Variants in KCNQ1 observed in about 807,000 individuals in gnomAD.
KCNQ1 encodes potassium voltage-gated channel subfamily Q member 1, also known as potassium voltage-gated channel subfamily KQT member 1.
In KCNQ1, 49 loss-of-function variants were observed where a neutral mutation model predicts 72.4. That is an observed-to-expected ratio of 0.68 (90% CI 0.54 to 0.86). The LOEUF is 0.86. KCNQ1 is among the 40% of genes least tolerant of loss of function. The pLI is 0.00. For synonymous variants in KCNQ1, 450 were observed against 412.6 expected, an observed-to-expected ratio of 1.09 and a Z score of -1.10; for missense variants, 790 against 945.1, an observed-to-expected ratio of 0.84 and a Z score of 2.15.
In KCNQ1 at chr11:2,516,940, C is replaced by T. The variant is rs1847297838; in HGVS notation, c.387-10988C>T. Among the ~76,000 whole-genome samples the T allele has an allele frequency of 6.6e-6, 1 of 152,152 alleles. No individual in the cohort carries two copies. Among genetic ancestry groups the T allele is most frequent in the South Asian group, 2.1e-4 (1 of 4,824 alleles). Reference sequence around the variant, plus strand: ...AAGCTTCCTGGCTGCCCGAGGGTCCCCCAGCACCTGTCCCTCTAGGGCCTC... The same window carrying T: ...AAGCTTCCTGGCTGCCCGAGGGTCCTCCAGCACCTGTCCCTCTAGGGCCTC... On this transcript the variant is annotated intron_variant, in intron 1 of 15. Coordinates refer to ENST00000155840, the MANE Select transcript of KCNQ1 (RefSeq NM_000218.3). This position sits in a 1 kb window ranked among gnomAD's most constrained non-coding sequence, Gnocchi z 7.0.
chr11:2,630,932 G>C (rs1168854797), intron 10 of KCNQ1: 1 of 398,350 alleles, frequency 2.5e-6, no homozygotes, highest in African/African-American at 2.1e-5. Flanking sequence ...GAAAGTTTTT[G>C]CTCAGAAATC....
intron 1 of KCNQ1, among the ~76,000 whole-genome samples, chr11:2,525,306 C>A (rs1167938103): frequency 6.6e-6 from 1 of 152,240 alleles, no homozygotes; most frequent in Admixed American, 6.5e-5. Context: ...GCTTGTGTCC[C>A]CGTGAGATCC....
At chr11:2,822,621 G>C (rs573659503) in intron 15 of KCNQ1, among the ~76,000 whole-genome samples, 24 of 152,226 alleles carry the variant, frequency 1.6e-4, no homozygotes, top group Non-Finnish European at 1.8e-4. Context: ...GGAGAGGTGG[G>C]ATAGTCATGG....
At chr11:2,521,040 A>C (rs377279603) in intron 1 of KCNQ1, among the ~76,000 whole-genome samples, 3 of 59,746 alleles carry the variant, frequency 5.0e-5, no homozygotes, top group Admixed American at 3.1e-4. Context: ...TGTTTGCTTT[A>C]AAAAAAGTTT....
At chr11:2,747,803 A>G (rs1846163609) in intron 11 of KCNQ1, among the ~76,000 whole-genome samples, 1 of 151,984 alleles carries the variant, frequency 6.6e-6, no homozygotes, top group African/African-American at 2.4e-5. Flanking sequence ...GATCAGAAGG[A>G]GGTGGTGGGA....
chr11:2,665,594 C>G (rs993409294), intron 11 of KCNQ1: 7 of 396,680 alleles, frequency 1.8e-5, no homozygotes, highest in South Asian at 2.6e-4. Context: ...GCTCAGTAAA[C>G]CCCCCAGGAC....
rs1463068468 is a variant in KCNQ1, at chr11:2,477,001, T to A, written c.386+31517T>A. 6.6e-6 allele frequency among the ~76,000 whole-genome samples: 1 copy of A among 152,254 alleles called. No homozygotes were observed. Among genetic ancestry groups the A allele is most frequent in the Non-Finnish European group, 1.5e-5 (1 of 68,046 alleles). ...ACTGCACCCAGCCCAGTTTTTAATG[T>A]GACAGTACTTTGTAAAATTGTACTC... On this transcript the variant is annotated intron_variant, in intron 1 of 15. Coordinates refer to ENST00000155840, the MANE Select transcript of KCNQ1 (RefSeq NM_000218.3). The surrounding 1 kb of genome is among the most constrained non-coding windows in gnomAD (Gnocchi z 5.0).
chr11:2,816,291 A>T lies in KCNQ1; in HGVS notation c.1795-31476A>T, dbSNP rs1356840724. ...AAGGGCAAGTTGGCCAAGACTAAAA[A>T]GTGGAGTCAAGCTCAGTGCTGGTGA... On this transcript the variant is annotated intron_variant, in intron 15 of 15. Transcript: ENST00000155840. This position sits in a 1 kb window ranked among gnomAD's most constrained non-coding sequence, Gnocchi z 6.8. Among the ~76,000 whole-genome samples the T allele has an allele frequency of 3.3e-5, 5 of 152,202 alleles. No homozygotes were observed. The highest frequency in any genetic ancestry group is 1.2e-4 in the African/African-American group (5 of 41,450).
chr11:2,803,966 A>G lies in KCNQ1; in HGVS notation c.1794+25929A>G, dbSNP rs543413868. 1.3e-4 allele frequency among the ~76,000 whole-genome samples: 19 copies of G among 151,914 alleles called. No individual in the cohort carries two copies. In the East Asian group the frequency reaches 2.3e-3, roughly 19 times the overall value. On this transcript the variant is annotated intron_variant, in intron 15 of 15. Coordinates refer to ENST00000155840, the MANE Select transcript of KCNQ1 (RefSeq NM_000218.3). This position sits in a 1 kb window ranked among gnomAD's most constrained non-coding sequence, Gnocchi z 6.4. The stretch of plus-strand genomic sequence containing the variant: ...CGGCTCACACAGAGCCTTGGCCAGC[A>G]TGTGGCCGCAGCCCCAACTGCAGCG...
intron 1 of KCNQ1, among the ~76,000 whole-genome samples, chr11:2,453,283 G>T (rs1846141226): frequency 6.6e-6 from 1 of 152,134 alleles, no homozygotes; most frequent in African/African-American, 2.4e-5. Context: ...TGAGGCAGGA[G>T]AATCACTTGA....
At chr11:2,791,794 C>CGCGCT (rs1461875378) in intron 15 of KCNQ1, among the ~76,000 whole-genome samples, 2 of 152,084 alleles carry the variant, frequency 1.3e-5, no homozygotes, top group African/African-American at 2.4e-5. Context: ...CTCGCCGCGC[C>CGCGCT]GCTCCGGGCG....
At chr11:2,578,421 T>G (rs1201810866) in intron 6 of KCNQ1, among the ~76,000 whole-genome samples, 1 of 152,210 alleles carries the variant, frequency 6.6e-6, no homozygotes, top group Non-Finnish European at 1.5e-5. Context: ...CTGGAACCAC[T>G]GAGACAGGCA....
intron 2 of KCNQ1, among the ~76,000 whole-genome samples, chr11:2,558,662 G>A (rs950166503): frequency 1.3e-5 from 2 of 152,236 alleles, no homozygotes; most frequent in African/African-American, 4.8e-5. Flanking sequence ...TGCGCAGCGA[G>A]CTGGGTCCCA....
intron 1 of KCNQ1, among the ~76,000 whole-genome samples, chr11:2,513,701 C>G (rs1210113123): frequency 1.3e-5 from 2 of 152,234 alleles, no homozygotes; most frequent in African/African-American, 2.4e-5. Flanking sequence ...GCACCGGCCT[C>G]TCTCCTGAGT....
intron 1 of KCNQ1, among the ~76,000 whole-genome samples, chr11:2,500,409 G>A (rs962682155): frequency 1.3e-5 from 2 of 152,250 alleles, no homozygotes; most frequent in African/African-American, 2.4e-5. Context: ...AAATAGGAAC[G>A]CTTTTACACT....
At chr11:2,804,484 C>T (rs909170530) in intron 15 of KCNQ1, among the ~76,000 whole-genome samples, 15 of 152,188 alleles carry the variant, frequency 9.9e-5, no homozygotes, top group African/African-American at 3.1e-4. Flanking sequence ...GGATGGAGGC[C>T]GGAACAGAGC....
At chr11:2,622,558 A>G in intron 10 of KCNQ1, 1 of 398,472 alleles carries the variant, frequency 2.5e-6, no homozygotes, top group Non-Finnish European at 4.4e-6. Flanking sequence ...CTTACTTATA[A>G]AAAAGAAGTT....
At chr11:2,590,429 G>T (rs1848655868) in intron 10 of KCNQ1, among the ~76,000 whole-genome samples, 1 of 152,204 alleles carries the variant, frequency 6.6e-6, no homozygotes, top group Admixed American at 6.5e-5. Context: ...TGGAGGAAAA[G>T]GGCACCTGTT....
At chr11:2,728,782 C>T (rs1845806159) in intron 11 of KCNQ1, among the ~76,000 whole-genome samples, 1 of 152,210 alleles carries the variant, frequency 6.6e-6, no homozygotes, top group Admixed American at 6.5e-5. Context: ...AGAGCGTCCT[C>T]CTGGTCCTGG....
Sources: allele counts gnomAD v4.1 joint callset (sites outside exome capture counted in the v4.1 genomes callset), GRCh38; gene constraint gnomAD v4.1.1; non-coding constraint Gnocchi (gnomAD v3.1); transcripts MANE v1.5; gene names NCBI Gene and HGNC (gene_info 2026-07-23, HGNC 2026-07-21).